The following ANGPT4 variants were observed in gnomAD, a reference collection of about 807,000 sequenced individuals.
ANGPT4 encodes the protein angiopoietin 4, also known as angiopoietin-4.
In ANGPT4, 50 loss-of-function variants were observed where a neutral mutation model predicts 53.0. That is an observed-to-expected ratio of 0.94 (90% confidence interval 0.75 to 1.20). The LOEUF is 1.20. Ranked by LOEUF, ANGPT4 falls within the 50% of genes most tolerant of loss-of-function variation. The probability of loss-of-function intolerance (pLI) is 0.00; values close to 1 mark genes in which losing one functional copy is unlikely to be tolerated. For missense variants in ANGPT4, 648 were observed against 637.1 expected, an observed-to-expected ratio of 1.02 and a Z score of -0.18; for synonymous variants, 251 against 259.7, an observed-to-expected ratio of 0.97 and a Z score of 0.32.
rs1568815443 is a variant in ANGPT4, at chr20:871,187, C to T, written c.*1773G>A. ...ATTTCCCATCATGCCTGAAATGCCA[C>T]CATTAGCAACCATGTCCTTTGAGTC... On this transcript the variant is annotated 3_prime_UTR_variant, in exon 9 of 9. Transcript: ENST00000381922. 6.6e-6 allele frequency: 1 copy of T among 152,286 alleles called. No homozygotes were observed. The highest frequency in any genetic ancestry group is 1.5e-5 in the Non-Finnish European group (1 of 68,078). The allele number at this position is 152,286 out of a possible 1,614,324, so 9.4% of individuals were successfully genotyped here. A position where few individuals can be genotyped will look rare whatever the true frequency, so the allele number is the denominator to read the frequency against.
At chr20:883,423 C>T (rs1050614491) in intron 4 of ANGPT4, among the ~76,000 whole-genome samples, 7 of 152,242 alleles carry the variant, frequency 4.6e-5, no homozygotes, top group Non-Finnish European at 7.3e-5. Context: ...ACTCTCTTCT[C>T]CTTTCACTAG....
intron 1 of ANGPT4, among the ~76,000 whole-genome samples, chr20:895,970 C>G (rs1002627723): frequency 6.6e-6 from 1 of 152,100 alleles, no homozygotes; most frequent in Admixed American, 6.5e-5. Context: ...CATGATTTTG[C>G]TGGTGGTTAC....
intron 1 of ANGPT4, among the ~76,000 whole-genome samples, chr20:910,613 G>A (rs1323093757): frequency 6.6e-6 from 1 of 152,180 alleles, no homozygotes; most frequent in East Asian, 1.9e-4. Flanking sequence ...CAGACCTGGG[G>A]CCCGTTTTCT....
At chr20:891,021 A>G (rs935216648) in intron 1 of ANGPT4, among the ~76,000 whole-genome samples, 1 of 152,222 alleles carries the variant, frequency 6.6e-6, no homozygotes, top group African/African-American at 2.4e-5. Flanking sequence ...TCTCTCTAGA[A>G]TGTCAATTCC....
chr20:899,251 A>T (rs1011271650), intron 1 of ANGPT4, among the ~76,000 whole-genome samples: 3 of 144,662 alleles, frequency 2.1e-5, no homozygotes, highest in South Asian at 2.2e-4. Flanking sequence ...CTGGGACAAA[A>T]TTTTTTTTTT....
chr20:871,793 C>A lies in ANGPT4; in HGVS notation c.*1167G>T, dbSNP rs2122742652. ...ATCAGCTTCCTGGGACTTGAAGGAG[C>A]CTTGGAGGACATGAGCCTATAACAC... On this transcript the variant is annotated 3_prime_UTR_variant, in exon 9 of 9. Coordinates refer to ENST00000381922, the MANE Select transcript of ANGPT4 (RefSeq NM_015985.4). The A allele has an allele frequency of 6.6e-6, 1 of 152,386 alleles. No individual in the cohort carries two copies. Among genetic ancestry groups the A allele is most frequent in the African/African-American group, 2.4e-5 (1 of 41,564 alleles). The allele number at this position is 152,386 out of a possible 1,614,324, so 9.4% of individuals were successfully genotyped here.
At chr20:873,342 C>T (rs1396096573) in intron 8 of ANGPT4, among the ~76,000 whole-genome samples, 1 of 152,130 alleles carries the variant, frequency 6.6e-6, no homozygotes, top group African/African-American at 2.4e-5. Context: ...GCTCTGGCCA[C>T]TCCTCGAGCC....
intron 1 of ANGPT4, among the ~76,000 whole-genome samples, chr20:907,858 C>G (rs1313662572): frequency 6.6e-6 from 1 of 152,178 alleles, no homozygotes; most frequent in Non-Finnish European, 1.5e-5. Context: ...CCCCACGTGG[C>G]ACCAGGCCTT....
chr20:878,162 T>C lies in ANGPT4; in HGVS notation c.1219A>G (p.Arg407Gly). 6.3e-7 allele frequency: 1 copy of C among 1,591,466 alleles called. No homozygotes were observed. The change falls in exon 7 of 9, where the codon AGG becomes GGG. Residue 407 changes from arginine (R) to glycine (G), a missense_variant and splice_region_variant. Arg to Gly is a moderately radical substitution (Grantham distance 125, BLOSUM62 -2). Transcript: ENST00000381922. ...CAACGGCCTGGGCCCCGAACCCACC[T>C]GTATAGCTGGTTCTCACTGCCCAGG... is the stretch of plus-strand genomic sequence containing the variant. The part of the protein sequence containing the change: ...FHLGSENQLY[R>G]LSVVGYSGSA...
At chr20:915,002 C>T (rs1982867077) in intron 1 of ANGPT4, among the ~76,000 whole-genome samples, 1 of 152,198 alleles carries the variant, frequency 6.6e-6, no homozygotes, top group Admixed American at 6.5e-5. Context: ...CTCCAGAACC[C>T]ACCAGAATCT....
chr20:905,309 A>G (rs1388112798), intron 1 of ANGPT4, among the ~76,000 whole-genome samples: 3 of 152,224 alleles, frequency 2.0e-5, no homozygotes, highest in Non-Finnish European at 4.4e-5. Context: ...CCTGTTCATG[A>G]GCACATCCTC....
At chr20:906,484 G>A (rs544201063) in intron 1 of ANGPT4, among the ~76,000 whole-genome samples, 55 of 152,362 alleles carry the variant, frequency 3.6e-4, no homozygotes, top group African/African-American at 1.2e-3. Context: ...AGAAATGTTT[G>A]TTGTTATTTT....
At position 909,170 on chromosome 20, in the gene ANGPT4, C is replaced by T. The variant is rs117535892; in HGVS notation, c.309+6736G>A. Among the ~76,000 whole-genome samples, 423 of 152,248 alleles carry T rather than the reference C, an allele frequency of 2.8e-3. 22 individuals are homozygous for T. The East Asian group carries it at 0.077, about 28-fold the overall frequency. Reference sequence around the variant, plus strand: ...TAAATGGGGATCATAACAGTCCCCACCTTTTAGGATGCCACGAGGTTTATG... The same window carrying T: ...TAAATGGGGATCATAACAGTCCCCATCTTTTAGGATGCCACGAGGTTTATG... On this transcript the variant is annotated intron_variant, in intron 1 of 8. Transcript: ENST00000381922.
At position 878,165 on chromosome 20, in the gene ANGPT4, A is replaced by G. The variant is rs768764882; in HGVS notation, c.1216T>C (p.Tyr406His). 1.0e-5 allele frequency: 16 copies of G among 1,595,874 alleles called. No individual in the cohort carries two copies. In the South Asian group the frequency reaches 1.7e-4, roughly 17 times the overall value. The change falls in exon 7 of 9, where the codon TAC becomes CAC. Residue 406 changes from tyrosine to histidine, a missense_variant. Coordinates refer to ENST00000381922, the MANE Select transcript of ANGPT4 (RefSeq NM_015985.4). ...CGGCCTGGGCCCCGAACCCACCTGT[A>G]TAGCTGGTTCTCACTGCCCAGGTGG... ...HFHLGSENQLYRLSVVGYSGS... is the reference protein window; with the variant it reads ...HFHLGSENQLHRLSVVGYSGS...
Position 872,829 on chromosome 20 carries a change from G to T in ANGPT4, c.*131C>A. 1 of 1,193,492 alleles carries T rather than the reference G, an allele frequency of 8.4e-7. No homozygotes were observed. The allele number at this position is 1,193,492 out of a possible 1,614,324, so 73.9% of individuals were successfully genotyped here. On this transcript the variant is annotated 3_prime_UTR_variant, in exon 9 of 9. Coordinates refer to ENST00000381922, the MANE Select transcript of ANGPT4 (RefSeq NM_015985.4). ...GACCCTTCTGGACTTCTGGGTCAAGGAGGGCTGGCTCAGGAAGCCCAGGGT... is the reference window on the plus strand; with the variant it reads ...GACCCTTCTGGACTTCTGGGTCAAGTAGGGCTGGCTCAGGAAGCCCAGGGT...
Position 888,371 on chromosome 20 carries a change from C to G in ANGPT4, c.534G>C (p.Glu178Asp). 3.7e-6 allele frequency: 6 copies of G among 1,613,914 alleles called. No homozygotes were observed. The highest frequency in any genetic ancestry group is 1.3e-5 in the African/African-American group (1 of 75,048). Residue 178 changes from glutamate (E) to aspartate (D), a missense_variant, in exon 3 of 9, where the codon GAG (glutamate) becomes GAC (aspartate). Physicochemically the swap from Glu to Asp is conservative, Grantham distance 45 (BLOSUM62 2). Coordinates refer to ENST00000381922, the MANE Select transcript of ANGPT4 (RefSeq NM_015985.4). ...TCTGCCTCTGTAGCAGCAGCTGGTT[C>G]TCCAGCTTGTTGGTGGACAGAAAGG... ...PETFLSTNKL[E>D]NQLLLQRQKL...
At chr20:901,387 G>A (rs900928390) in intron 1 of ANGPT4, among the ~76,000 whole-genome samples, 3 of 151,946 alleles carry the variant, frequency 2.0e-5, no homozygotes, top group African/African-American at 7.3e-5. Flanking sequence ...CTCCCCCACT[G>A]AGCACCTTGT....
intron 1 of ANGPT4, among the ~76,000 whole-genome samples, chr20:907,886 A>C (rs1419828834): frequency 6.6e-6 from 1 of 152,186 alleles, no homozygotes; most frequent in African/African-American, 2.4e-5. Context: ...GTACGACTCC[A>C]GTGTGTACCT....
chr20:903,913 T>C (rs1982381291), intron 1 of ANGPT4, among the ~76,000 whole-genome samples: 2 of 152,082 alleles, frequency 1.3e-5, no homozygotes, highest in South Asian at 2.1e-4. Flanking sequence ...CTCAGGGACC[T>C]CTCAGCTCCC....
Sources: gnomAD v4.1 joint callset for allele counts (sites outside exome capture counted in the v4.1 genomes callset) on GRCh38, gnomAD v4.1.1 for gene constraint, MANE v1.5 for transcripts, NCBI Gene and HGNC (gene_info 2026-07-23, HGNC 2026-07-21) for gene names.